The following FDFT1 variants were observed in gnomAD, a reference collection of about 807,000 sequenced individuals.
The protein encoded by FDFT1 is squalene synthase.
In FDFT1, 68 loss-of-function variants were observed where a neutral mutation model predicts 46.8. The observed-to-expected ratio is 1.45, with a 90% CI of 1.19 to 1.78. The LOEUF (loss-of-function observed/expected upper bound fraction) is 1.78. Among genes scored for constraint, FDFT1 ranks in the 40% most tolerant of loss-of-function variants. FDFT1 has a pLI of 0.00. For missense variants in FDFT1, 928 were observed against 524.4 expected (o/e 1.77, Z -7.52); for synonymous variants, 351 against 185.1 (o/e 1.90, Z -7.28).
upstream of FDFT1, chr8:11,801,718 T>G: frequency 1.1e-5 from 3 of 268,338 alleles, no homozygotes. Context: ...TTTGGAGACG[T>G]AGTCTTGCTC....
upstream of FDFT1, among the ~76,000 whole-genome samples, chr8:11,797,762 G>C (rs558001143): frequency 6.6e-6 from 1 of 152,278 alleles, no homozygotes; most frequent in African/African-American, 2.4e-5. Context: ...AGCTGTAATG[G>C]AGGCGTGGCA....
rs1459348109 is a variant in FDFT1, at chr8:11,803,584, A to C, written c.99+653A>C. 8.0e-6 allele frequency: 6 copies of C among 754,378 alleles called. No individual in the cohort carries two copies. In the East Asian group the frequency reaches 3.9e-4, roughly 48 times the overall value. 46.7% of individuals were successfully genotyped at this position (754,378 alleles called of 1,614,324 possible). A position where few individuals can be genotyped will look rare whatever the true frequency, so the allele number is the denominator to read the frequency against. Reference sequence around the variant, plus strand: ...CCTGTACTATTTGTTTAATGAATGCATAGGAGGTGTTTTTATTCCAACAAG... The same window carrying C: ...CCTGTACTATTTGTTTAATGAATGCCTAGGAGGTGTTTTTATTCCAACAAG... On this transcript the variant is annotated intron_variant, in intron 1 of 7. Coordinates refer to ENST00000220584, the MANE Select transcript of FDFT1 (RefSeq NM_004462.5).
Position 11,836,855 on chromosome 8 carries a change from G to A in FDFT1, c.1033-1533G>A, listed in dbSNP as rs140113418. Among the ~76,000 whole-genome samples, 356 of 152,340 alleles carry A rather than the reference G, an allele frequency of 2.3e-3. 5 individuals are homozygous for A. In the East Asian group the frequency reaches 0.028, roughly 12 times the overall value. On this transcript the variant is annotated intron_variant, in intron 7 of 7. Transcript: ENST00000220584. ...GTTTGAGACCAGCCTGACCAACACT[G>A]GTAAAACCTTGTCTCTATTAAAAAT...
chr8:11,818,087 C>T (rs1222603405), intron 3 of FDFT1, among the ~76,000 whole-genome samples: 1 of 152,184 alleles, frequency 6.6e-6, no homozygotes, highest in African/African-American at 2.4e-5. Flanking sequence ...TTTCAAAGAA[C>T]ATCTTTATTT....
At chr8:11,817,592 G>C (rs1193960673) in intron 3 of FDFT1, among the ~76,000 whole-genome samples, 2 of 152,126 alleles carry the variant, frequency 1.3e-5, no homozygotes, top group African/African-American at 4.8e-5. Flanking sequence ...GTTTAGTCTT[G>C]GGAGAGTGTA....
At chr8:11,835,722 T>C (rs962181695) in intron 7 of FDFT1, among the ~76,000 whole-genome samples, 1 of 152,110 alleles carries the variant, frequency 6.6e-6, no homozygotes, top group Admixed American at 6.5e-5. Flanking sequence ...AATAAAGTCA[T>C]AGGAGCCACA....
chr8:11,823,937 G>T (rs940125588), intron 4 of FDFT1, among the ~76,000 whole-genome samples: 1 of 151,994 alleles, frequency 6.6e-6, no homozygotes, highest in African/African-American at 2.4e-5. Context: ...GTAGAGACAG[G>T]GTTTCATCGT....
In FDFT1 at chr8:11,808,649, C is replaced by G. The variant is rs138750911; in HGVS notation, c.100-145C>G. On this transcript the variant is annotated intron_variant, in intron 1 of 7. Transcript: ENST00000220584. ...GGGGCTGCTGCTTGCCTCCTGCCGC[C>G]TGGCCCTGCAAGGACTGGCCTCGGG... 3,556 of 1,409,738 alleles carry G rather than the reference C, an allele frequency of 2.5e-3. 77 individuals are homozygous for G. The African/African-American group carries it at 0.046, about 18-fold the overall frequency. The allele number at this position is 1,409,738 out of a possible 1,614,324, so 87.3% of individuals were successfully genotyped here. A position where few individuals can be genotyped will look rare whatever the true frequency, so the allele number is the denominator to read the frequency against.
At chr8:11,807,052 A>T (rs1173945146) in intron 1 of FDFT1, among the ~76,000 whole-genome samples, 1 of 151,696 alleles carries the variant, frequency 6.6e-6, no homozygotes, top group African/African-American at 2.4e-5. Context: ...GTTCACTTAA[A>T]CCTCCCACCA....
At chr8:11,832,069 G>T (rs1056594244) in intron 7 of FDFT1, among the ~76,000 whole-genome samples, 7 of 152,174 alleles carry the variant, frequency 4.6e-5, no homozygotes, top group Non-Finnish European at 7.3e-5. Context: ...CTGACACCCA[G>T]TCTGGTACTT....
intron 7 of FDFT1, among the ~76,000 whole-genome samples, chr8:11,835,863 G>T (rs376348626): frequency 3.4e-5 from 5 of 147,118 alleles, no homozygotes; most frequent in South Asian, 4.4e-4. Flanking sequence ...ACCGAGCATG[G>T]TGGCTGATGC....
At chr8:11,824,896 A>G (rs1809754272) in intron 4 of FDFT1, among the ~76,000 whole-genome samples, 1 of 152,020 alleles carries the variant, frequency 6.6e-6, no homozygotes, top group African/African-American at 2.4e-5. Context: ...CCACCAGGCC[A>G]GCTAATTTTT....
chr8:11,816,450 A>G (rs1585915457), intron 3 of FDFT1, among the ~76,000 whole-genome samples: 1 of 152,204 alleles, frequency 6.6e-6, no homozygotes, highest in Non-Finnish European at 1.5e-5. Flanking sequence ...TCTGTAAATT[A>G]CCTTGGGCAG....
intron 5 of FDFT1, 37 bp from the exon 6 acceptor site, chr8:11,830,207 C>T: frequency 6.6e-7 from 1 of 1,522,810 alleles, no homozygotes. Context: ...CCCCTATGCA[C>T]ACGCTGACCT....
At chr8:11,797,638 C>CAAAAAAAAAAA (rs34350077), upstream of FDFT1, among the ~76,000 whole-genome samples, 4 of 75,508 alleles carry the variant, frequency 5.3e-5, no homozygotes, top group East Asian at 9.1e-4. Context: ...CACACACACT[C>CAAAAAAAAAAA]AAAAAAAAAA....
At chr8:11,824,775 G>A (rs1048822682) in intron 4 of FDFT1, among the ~76,000 whole-genome samples, 11 of 152,014 alleles carry the variant, frequency 7.2e-5, no homozygotes, top group Admixed American at 5.2e-4. Flanking sequence ...TCACTCTGTC[G>A]CCCAGGCTGG....
chr8:11,808,465 C>G (rs940064781), intron 1 of FDFT1: 293 of 1,287,082 alleles, frequency 2.3e-4, no homozygotes, highest in Non-Finnish European at 2.7e-4. Context: ...TCGGGCGCTT[C>G]CCAGATCTGC....
intron 7 of FDFT1, among the ~76,000 whole-genome samples, chr8:11,838,160 C>A (rs901777804): frequency 6.6e-6 from 1 of 152,176 alleles, no homozygotes; most frequent in Non-Finnish European, 1.5e-5. Context: ...AGTATGCACA[C>A]CTGTGCCTCC....
chr8:11,815,453 C>T (rs1808317738), intron 3 of FDFT1, among the ~76,000 whole-genome samples: 1 of 152,178 alleles, frequency 6.6e-6, no homozygotes, highest in South Asian at 2.1e-4. Flanking sequence ...ATACTGTCTT[C>T]CACAATGGTT....
Sources: allele counts gnomAD v4.1 joint callset (sites outside exome capture counted in the v4.1 genomes callset), GRCh38; gene constraint gnomAD v4.1.1; transcripts MANE v1.5; gene names NCBI Gene and HGNC (gene_info 2026-07-23, HGNC 2026-07-21).